ZNF692: variants seen among roughly 807,000 people sequenced by gnomAD.
ZNF692 encodes zinc finger protein 692, also known as AICAR responsive element binding protein.
A neutral mutation model predicts 49.0 loss-of-function variants in ZNF692; 41 were observed. The ratio of observed to expected loss-of-function variants is 0.84; its 90% CI spans 0.65 to 1.08. ZNF692 has a LOEUF of 1.08. Among genes scored for constraint, ZNF692 ranks in the 50% least tolerant of loss-of-function variants. The probability of loss-of-function intolerance (pLI) is 0.00; values close to 1 mark genes in which losing one functional copy is unlikely to be tolerated. For synonymous variants in ZNF692, 288 were observed against 251.5 expected (o/e 1.15, Z -1.37); for missense variants, 662 against 662.2 (o/e 1.00, Z 0.00).
chr1:248,850,613 A>G, intron 11 of ZNF692, 69 bp downstream of exon 11: 4 of 1,604,324 alleles, frequency 2.5e-6, no homozygotes, highest in African/African-American at 1.3e-5. Flanking sequence ...GGTGTCCTAT[A>G]TGCCTAGCTT....
At position 248,854,921 on chromosome 1, in the gene ZNF692, G is replaced by A. The variant is rs183419698; in HGVS notation, c.1038+459C>T. Among the ~76,000 whole-genome samples the A allele has an allele frequency of 2.4e-4, 37 of 152,292 alleles. No homozygotes were observed. In the East Asian group the frequency reaches 6.9e-3, roughly 29 times the overall value. On this transcript the variant is annotated intron_variant, in intron 9 of 11. Coordinates refer to ENST00000306601, the MANE Select transcript of ZNF692 (RefSeq NM_017865.4). ...CCCTCACCTCACCATCCCAGTGTCT[G>A]TGGCCCTCCCCAGCCTTGGTACCTG...
intron 10 of ZNF692, among the ~76,000 whole-genome samples, chr1:248,853,241 C>T (rs1332147648): frequency 6.6e-6 from 1 of 152,206 alleles, no homozygotes; most frequent in Non-Finnish European, 1.5e-5. Flanking sequence ...TGCCCTCTTG[C>T]ACATCTCTGC....
Position 248,855,379 on chromosome 1 carries a change from C to T in ZNF692, c.1038+1G>A. On this transcript the variant is annotated splice_donor_variant, in intron 9 of 11. Transcript: ENST00000306601. LOFTEE classifies it high-confidence loss of function. ...CACAGGCCCCAACCTGTGCCCCTCA[C>T]ATTCAAATACTGCCGGTTGGAGAAG... 6.2e-7 allele frequency: 1 copy of T among 1,614,170 alleles called. No homozygotes were observed. The highest frequency in any genetic ancestry group is 8.5e-7 in the Non-Finnish European group (1 of 1,180,008).
intron 4 of ZNF692, 79 bp from the exon 5 acceptor site, chr1:248,856,641 T>G: frequency 2.6e-6 from 4 of 1,559,184 alleles, no homozygotes; most frequent in Admixed American, 1.8e-5. Context: ...AGGTCTGAAG[T>G]GATGGGAGAC....
chr1:248,851,021 C>T, intron 10 of ZNF692: 1 of 651,228 alleles, frequency 1.5e-6, no homozygotes, highest in Non-Finnish European at 2.8e-6. Flanking sequence ...CCAGCCCCTG[C>T]CCGCCAATCC....
chr1:248,857,648 A>T, intron 3 of ZNF692, 151 bp from the exon 4 acceptor site: 1 of 1,467,928 alleles, frequency 6.8e-7, no homozygotes, highest in South Asian at 1.4e-5. Flanking sequence ...GACACACTAG[A>T]TCCTGAGACA....
chr1:248,851,135 T>G (rs1172080033), intron 10 of ZNF692, among the ~76,000 whole-genome samples: 1 of 152,070 alleles, frequency 6.6e-6, no homozygotes, highest in East Asian at 1.9e-4. Flanking sequence ...TGGGTCCTTA[T>G]GTATGAATTG....
chr1:248,850,929 C>T (rs1659504433), intron 10 of ZNF692, 148 bp from the exon 11 acceptor site: 1 of 755,600 alleles, frequency 1.3e-6, no homozygotes, highest in African/African-American at 1.7e-5. Context: ...ATCATGGAGC[C>T]CGTCTGGACC....
At chr1:248,851,186 G>A (rs573772293) in intron 10 of ZNF692, among the ~76,000 whole-genome samples, 7 of 152,166 alleles carry the variant, frequency 4.6e-5, no homozygotes, top group Admixed American at 4.6e-4. Context: ...TGGAGTCAGC[G>A]ATGGGAATTA....
At chr1:248,851,867 G>A (rs1441985159) in intron 10 of ZNF692, among the ~76,000 whole-genome samples, 1 of 152,238 alleles carries the variant, frequency 6.6e-6, no homozygotes, top group Non-Finnish European at 1.5e-5. Flanking sequence ...CTCTTGCTAT[G>A]ATAATCCCAT....
intron 4 of ZNF692, 98 bp from the exon 5 acceptor site, chr1:248,856,660 T>C: frequency 2.1e-6 from 3 of 1,457,992 alleles, no homozygotes; most frequent in Non-Finnish European, 2.9e-6. Context: ...ACTCCTCTTT[T>C]TTTTTTAAAT....
Position 248,858,048 on chromosome 1 carries a change from A to G in ZNF692, c.179+83T>C. The G allele has an allele frequency of 6.4e-7, 1 of 1,550,440 alleles. No homozygotes were observed. The highest frequency in any genetic ancestry group is 8.7e-7 in the Non-Finnish European group (1 of 1,153,844). On this transcript the variant is annotated intron_variant, in intron 2 of 11. Transcript: ENST00000306601. The surrounding 1 kb of genome is among the most constrained non-coding windows in gnomAD (Gnocchi z 4.3). ...AAAGTGAGAAACCTGAGGGTGGAAA[A>G]GAGCAGCAGGACAGGCCCTGGAGAG...
intron 4 of ZNF692, 147 bp from the exon 5 acceptor site, chr1:248,856,709 A>C (rs758384569): frequency 1.0e-6 from 1 of 956,654 alleles, no homozygotes; most frequent in Non-Finnish European, 1.6e-6. Context: ...GCTGGTCTCA[A>C]ACCCCTGGGC....
Position 248,858,320 on chromosome 1 carries a change from G to A in ZNF692, c.-11C>T. 2 of 1,552,962 alleles carry A rather than the reference G, an allele frequency of 1.3e-6. No individual in the cohort carries two copies. The highest frequency in any genetic ancestry group is 1.7e-6 in the Non-Finnish European group (2 of 1,144,874). ...CGGGGAGGAAGCCATGTGCACCAGA[G>A]GCTGGAGGGTGGAAGGGACGTCTTC... On this transcript the variant is annotated splice_region_variant and 5_prime_UTR_variant, in exon 2 of 12. Transcript: ENST00000306601. This position sits in a 1 kb window ranked among gnomAD's most constrained non-coding sequence, Gnocchi z 4.3.
chr1:248,850,036 T>G lies in ZNF692; in HGVS notation c.*174A>C. The G allele has an allele frequency of 1.6e-6, 1 of 611,026 alleles. No homozygotes were observed. Among genetic ancestry groups the G allele is most frequent in the Non-Finnish European group, 2.7e-6 (1 of 374,982 alleles). 37.9% of individuals were successfully genotyped at this position (611,026 alleles called of 1,614,324 possible). A position where few individuals can be genotyped will look rare whatever the true frequency, so the allele number is the denominator to read the frequency against. ...ATAAAATACTGTTTATTTTGTCCTTTAGGAAGACTAAAGTAGTCCAGCTCC... is the reference window on the plus strand; with the variant it reads ...ATAAAATACTGTTTATTTTGTCCTTGAGGAAGACTAAAGTAGTCCAGCTCC... On this transcript the variant is annotated 3_prime_UTR_variant, in exon 12 of 12. Transcript: ENST00000306601.
intron 9 of ZNF692, among the ~76,000 whole-genome samples, chr1:248,854,687 G>C (rs1487111957): frequency 1.3e-5 from 2 of 151,928 alleles, no homozygotes; most frequent in African/African-American, 4.8e-5. Context: ...AATTGCATGG[G>C]CTGTCCCCTT....
At chr1:248,852,952 CT>C (rs1447395446) in intron 10 of ZNF692, among the ~76,000 whole-genome samples, 1 of 152,166 alleles carries the variant, frequency 6.6e-6, no homozygotes, top group East Asian at 1.9e-4. Context: ...GACATCTCCC[CT>C]GATCTCCACA....
chr1:248,854,498 GC>G (rs1020640638), intron 9 of ZNF692: 1 of 135,028 alleles, frequency 7.4e-6, no homozygotes, highest in African/African-American at 3.4e-5. Flanking sequence ...CCAACTGCTT[GC>G]TTTTTAATAG....
At position 248,856,272 on chromosome 1, in the gene ZNF692, C is replaced by G; in HGVS notation, c.659+16G>C. The stretch of plus-strand genomic sequence containing the variant: ...CCCTCTCTTGCTCTGCTCATTCTCC[C>G]TCAACCCCAACTTGCTCATCTGGGG... On this transcript the variant is annotated intron_variant, in intron 6 of 11. Coordinates refer to ENST00000306601, the MANE Select transcript of ZNF692 (RefSeq NM_017865.4). 6.4e-7 allele frequency: 1 copy of G among 1,566,146 alleles called. No individual in the cohort carries two copies. The highest frequency in any genetic ancestry group is 8.6e-7 in the Non-Finnish European group (1 of 1,156,742).
Sources: allele counts gnomAD v4.1 joint callset (sites outside exome capture counted in the v4.1 genomes callset), GRCh38; gene constraint gnomAD v4.1.1; non-coding constraint Gnocchi (gnomAD v3.1); transcripts MANE v1.5; gene names NCBI Gene and HGNC (gene_info 2026-07-23, HGNC 2026-07-21).